Variants in NFATC2 observed in about 807,000 individuals in gnomAD.
NFATC2 encodes nuclear factor of activated T-cells, cytoplasmic 2.
A neutral mutation model predicts 87.3 loss-of-function variants in NFATC2; 22 were observed. The ratio of observed to expected loss-of-function variants is 0.25; its 90% confidence interval spans 0.18 to 0.36. NFATC2 has a LOEUF of 0.36. Ranked by LOEUF, NFATC2 falls within the 10% of genes least tolerant of loss-of-function variation. The pLI is 1.00. For synonymous variants in NFATC2, 565 were observed against 542.2 expected, an observed-to-expected ratio of 1.04 and a Z score of -0.58; for missense variants, 1,149 against 1,259.1, an observed-to-expected ratio of 0.91 and a Z score of 1.32.
In NFATC2 at chr20:51,523,406, G is replaced by A. The variant is rs576341337; in HGVS notation, c.835C>T (p.Pro279Ser). 1 of 1,609,016 alleles carries A rather than the reference G, an allele frequency of 6.2e-7. No individual in the cohort carries two copies. Among genetic ancestry groups the A allele is most frequent in the Admixed American group, 1.7e-5 (1 of 59,530 alleles). Residue 279 changes from proline (P) to serine (S), a missense_variant, in exon 2 of 11, where the codon CCC becomes TCC. This residue lies in a region of NFATC2 where 563 missense variants were observed against 585.2 expected (regional missense o/e 0.96). Coordinates refer to ENST00000371564, the MANE Select transcript of NFATC2 (RefSeq NM_012340.5). This position sits in a 1 kb window ranked among gnomAD's most constrained non-coding sequence, Gnocchi z 6.9. ...TCCTGGGGTGCCACGTGAGATGAGGGCTGCGGCGAGGGGCTCCGGGAGCGC... is the reference window on the plus strand; with the variant it reads ...TCCTGGGGTGCCACGTGAGATGAGGACTGCGGCGAGGGGCTCCGGGAGCGC... ...PQRSRSPSPQPSSHVAPQDHG... is the reference protein window; with the variant it reads ...PQRSRSPSPQSSSHVAPQDHG...
At chr20:51,405,386 C>T (rs898175408) in intron 9 of NFATC2, among the ~76,000 whole-genome samples, 2 of 151,966 alleles carry the variant, frequency 1.3e-5, no homozygotes, top group Admixed American at 6.6e-5. Flanking sequence ...ACATTCACCT[C>T]GAGTTCCCAG....
intron 9 of NFATC2, among the ~76,000 whole-genome samples, chr20:51,429,168 C>T (rs1310198583): frequency 6.6e-6 from 1 of 152,210 alleles, no homozygotes; most frequent in Non-Finnish European, 1.5e-5. Flanking sequence ...AGCTAGGAGA[C>T]GGGCTAGGAG....
In NFATC2 at chr20:51,445,996, C is replaced by T. The variant is rs944109334; in HGVS notation, c.1849+8552G>A. Among the ~76,000 whole-genome samples the T allele has an allele frequency of 4.6e-5, 7 of 152,208 alleles. 1 individual carries two copies. The highest frequency in any genetic ancestry group is 1.7e-4 in the African/African-American group (7 of 41,450). ...ATGATCCCCACACATTTCAGACAGCCAGCTACTCTGGGAACCAGGAAGTTG... is the reference window on the plus strand; with the variant it reads ...ATGATCCCCACACATTTCAGACAGCTAGCTACTCTGGGAACCAGGAAGTTG... On this transcript the variant is annotated intron_variant, in intron 6 of 10. Transcript: ENST00000371564.
At position 51,473,993 on chromosome 20, in the gene NFATC2, G is replaced by T; in HGVS notation, c.1695C>A (p.Asn565Lys). The T allele has an allele frequency of 6.2e-7, 1 of 1,614,236 alleles. No individual in the cohort carries two copies. Among genetic ancestry groups the T allele is most frequent in the Non-Finnish European group, 8.5e-7 (1 of 1,180,038 alleles). Residue 565 changes from asparagine (N) to lysine (K), a missense_variant, in exon 5 of 11, where the codon AAC becomes AAA. Transcript: ENST00000371564. ...GRIVSLQTASNPIECSQRSAH... is the reference protein window; with the variant it reads ...GRIVSLQTASKPIECSQRSAH... ...GGCCCAACTTACAGCACTCGATGGG[G>T]TTAGATGCAGTCTGTAAAGAGACGA...
intron 9 of NFATC2, among the ~76,000 whole-genome samples, chr20:51,425,056 A>G (rs1237216122): frequency 6.6e-6 from 1 of 151,876 alleles, no homozygotes; most frequent in East Asian, 1.9e-4. Flanking sequence ...TAGGAAAAAA[A>G]TTGTCTTAAA....
intron 10 of NFATC2, among the ~76,000 whole-genome samples, chr20:51,397,992 G>T (rs1400933351): frequency 6.6e-6 from 1 of 152,154 alleles, no homozygotes; most frequent in Non-Finnish European, 1.5e-5. Flanking sequence ...CTTCTTAGCG[G>T]CCAGGCTCCT....
intron 9 of NFATC2, among the ~76,000 whole-genome samples, chr20:51,405,680 T>C (rs900557169): frequency 2.6e-5 from 4 of 152,142 alleles, no homozygotes; most frequent in Non-Finnish European, 5.9e-5. Context: ...CTCATCTCTC[T>C]CATCTACTGC....
chr20:51,561,759 C>T (rs1026401259), intron 1 of NFATC2, among the ~76,000 whole-genome samples: 1 of 152,156 alleles, frequency 6.6e-6, no homozygotes, highest in Admixed American at 6.5e-5. Context: ...AAAAACACAA[C>T]GCTTTGCCCA....
At chr20:51,402,978 C>T in intron 9 of NFATC2, among the ~76,000 whole-genome samples, 1 of 152,156 alleles carries the variant, frequency 6.6e-6, no homozygotes, top group East Asian at 1.9e-4. Context: ...GTTCACCTTC[C>T]AGATCATTCT....
At chr20:51,484,615 C>T (rs1278524058) in intron 3 of NFATC2, among the ~76,000 whole-genome samples, 3 of 152,202 alleles carry the variant, frequency 2.0e-5, no homozygotes, top group South Asian at 2.1e-4. Context: ...CTACGCCTCT[C>T]CCATGACAAA....
intron 5 of NFATC2, among the ~76,000 whole-genome samples, chr20:51,471,453 A>G (rs1008347757): frequency 1.3e-5 from 2 of 152,228 alleles, no homozygotes; most frequent in Non-Finnish European, 2.9e-5. Context: ...GAGAATTCCA[A>G]TATTTCTAGT....
At chr20:51,544,026 C>T (rs111411369), upstream of NFATC2, among the ~76,000 whole-genome samples, 927 of 115,978 alleles carry the variant, frequency 8.0e-3, 7 homozygotes, top group East Asian at 0.026. Flanking sequence ...CTCGCTCTGT[C>T]GCCCAGGCTG....
Position 51,435,271 on chromosome 20 carries a change from A to C in NFATC2, c.1949T>G (p.Ile650Ser). Residue 650 changes from isoleucine to serine, a missense_variant, in exon 8 of 11, where the codon ATC becomes AGC. Ile to Ser is a moderately radical substitution (Grantham distance 142). This residue lies in a region of NFATC2 where 581 missense variants were observed against 649.7 expected (regional missense o/e 0.89). Coordinates refer to ENST00000371564, the MANE Select transcript of NFATC2 (RefSeq NM_012340.5). The part of the protein sequence containing the change: ...VEIPEYRNKH[I>S]RTPVKVNFYV... ...GAAGTTCACTTTTACAGGTGTGCGG[A>C]TATGCTTGTTCCGATATTCAGGGAT... is the stretch of plus-strand genomic sequence containing the variant. The C allele has an allele frequency of 6.2e-7, 1 of 1,614,164 alleles. No individual in the cohort carries two copies. The highest frequency in any genetic ancestry group is 8.5e-7 in the Non-Finnish European group (1 of 1,180,026).
intron 3 of NFATC2, among the ~76,000 whole-genome samples, chr20:51,500,687 C>T (rs1429718842): frequency 6.6e-5 from 5 of 75,694 alleles, no homozygotes; most frequent in Admixed American, 1.4e-4. Flanking sequence ...CCACCCCACT[C>T]CCACCTCCAC....
chr20:51,439,965 A>C (rs1984091769), intron 6 of NFATC2, among the ~76,000 whole-genome samples: 1 of 152,228 alleles, frequency 6.6e-6, no homozygotes, highest in South Asian at 2.1e-4. Flanking sequence ...GGCCGGGCAA[A>C]GTGGCTCACG....
At chr20:51,520,796 G>A (rs989309099) in intron 2 of NFATC2, among the ~76,000 whole-genome samples, 3 of 151,996 alleles carry the variant, frequency 2.0e-5, no homozygotes, top group African/African-American at 7.3e-5. Context: ...GAGTAGCTGG[G>A]ATTACAGGCA....
intron 3 of NFATC2, among the ~76,000 whole-genome samples, chr20:51,494,216 G>A (rs545548929): frequency 7.0e-4 from 107 of 152,028 alleles, no homozygotes; most frequent in Middle Eastern, 3.4e-3. Flanking sequence ...TTCTCCACGC[G>A]GAGTGGGCAC....
rs961019848 is a variant in NFATC2, at chr20:51,480,311, G to C, written c.1333-4651C>G. On this transcript the variant is annotated intron_variant, in intron 3 of 10. Transcript: ENST00000371564. The surrounding 1 kb of genome is among the most constrained non-coding windows in gnomAD (Gnocchi z 4.2). ...TCAAAAAAAATAGAATGTGCTTCCT[G>C]CCGCACAGGAGAGAGAGTGGGGCAG... Among the ~76,000 whole-genome samples the C allele has an allele frequency of 7.9e-6, 1 of 126,926 alleles. No homozygotes were observed. Among genetic ancestry groups the C allele is most frequent in the African/African-American group, 3.6e-5 (1 of 27,430 alleles). 83.3% of individuals were successfully genotyped at this position (126,926 alleles called of 152,430 possible).
At chr20:51,545,353 T>C (rs1421726166), upstream of NFATC2, among the ~76,000 whole-genome samples, 2 of 152,138 alleles carry the variant, frequency 1.3e-5, no homozygotes, top group Non-Finnish European at 2.9e-5. Context: ...CTAAACATAA[T>C]CTTGGTAGAG....
Sources: gnomAD v4.1 joint callset for allele counts (sites outside exome capture counted in the v4.1 genomes callset) on GRCh38, gnomAD v4.1.1 for gene constraint, gnomAD v4.1.1 regional missense constraint, Gnocchi (gnomAD v3.1) non-coding constraint, MANE v1.5 for transcripts, NCBI Gene and HGNC (gene_info 2026-07-23, HGNC 2026-07-21) for gene names.